Variants in CFI observed in about 807,000 individuals in gnomAD.
The protein encoded by CFI is C3B/C4B inactivator.
In CFI, 66 loss-of-function variants were observed where a neutral mutation model predicts 78.8. The observed-to-expected ratio is 0.84, with a 90% CI of 0.69 to 1.03. CFI has a LOEUF of 1.03. CFI is among the 50% of genes least tolerant of loss of function. CFI has a pLI of 0.00. For synonymous variants in CFI, 250 were observed against 232.6 expected, an observed-to-expected ratio of 1.07 and a Z score of -0.68; for missense variants, 706 against 704.5, an observed-to-expected ratio of 1.00 and a Z score of -0.02.
At chr4:109,785,241 C>G (rs1478522685) in intron 1 of CFI, among the ~76,000 whole-genome samples, 5 of 152,068 alleles carry the variant, frequency 3.3e-5, no homozygotes, top group African/African-American at 1.2e-4. Context: ...TTGGTGGTCT[C>G]TTCACACAGA....
intron 1 of CFI, among the ~76,000 whole-genome samples, chr4:109,787,801 T>A (rs1027511173): frequency 6.6e-6 from 1 of 151,968 alleles, no homozygotes; most frequent in African/African-American, 2.4e-5. Context: ...AAATCATCTG[T>A]CTAGTTTTCT....
chr4:109,781,891 A>T (rs1339461783), intron 1 of CFI, among the ~76,000 whole-genome samples: 4 of 152,196 alleles, frequency 2.6e-5, no homozygotes, highest in Non-Finnish European at 5.9e-5. Context: ...CAACATAAGC[A>T]GAATGAAAAA....
intron 7 of CFI, among the ~76,000 whole-genome samples, chr4:109,754,844 A>G (rs946437717): frequency 2.6e-5 from 4 of 152,190 alleles, no homozygotes; most frequent in African/African-American, 9.7e-5. Context: ...GCTGAGGTGT[A>G]CTAGGTATTA....
chr4:109,759,154 G>T (rs550190928), intron 6 of CFI, among the ~76,000 whole-genome samples: 1 of 151,050 alleles, frequency 6.6e-6, no homozygotes, highest in African/African-American at 2.4e-5. Context: ...AAAAAAAAGT[G>T]TTCATTTGTC....
intron 1 of CFI, among the ~76,000 whole-genome samples, chr4:109,798,097 C>T (rs147890908): frequency 3.3e-5 from 5 of 152,112 alleles, no homozygotes; most frequent in African/African-American, 1.2e-4. Context: ...GGATAAATAC[C>T]ACATAATACA....
At chr4:109,801,794 A>C in intron 1 of CFI, 121 bp downstream of exon 1, 1 of 665,446 alleles carries the variant, frequency 1.5e-6, no homozygotes. Context: ...ATAGAGTGGC[A>C]TTGTTGTAAC....
intron 7 of CFI, among the ~76,000 whole-genome samples, chr4:109,753,458 TATATATTTATATTA>T (rs1484717126): frequency 3.3e-5 from 3 of 91,608 alleles, no homozygotes; most frequent in African/African-American, 1.4e-4. Context: ...AATATTTATA[TATATATTTATATTA>T]ATAAATATTT....
chr4:109,760,471 T>C, intron 5 of CFI, 52 bp downstream of exon 5: 1 of 1,487,090 alleles, frequency 6.7e-7, no homozygotes, highest in Non-Finnish European at 9.4e-7. Context: ...GCTTTTCCTC[T>C]TTTAGTCAGA....
At chr4:109,751,779 T>C (rs867000462) in intron 8 of CFI, among the ~76,000 whole-genome samples, 7 of 152,188 alleles carry the variant, frequency 4.6e-5, no homozygotes, top group African/African-American at 1.2e-4. Flanking sequence ...TAAAGATTGT[T>C]ACTTAATTTT....
At position 109,742,342 on chromosome 4, in the gene CFI, G is replaced by T. The variant is rs1431414772; in HGVS notation, c.1534+149C>A. The T allele has an allele frequency of 1.0e-5, 7 of 678,176 alleles. No individual in the cohort carries two copies. In the East Asian group the frequency reaches 1.9e-4, roughly 19 times the overall value. The allele number at this position is 678,176 out of a possible 1,614,324, so 42.0% of individuals were successfully genotyped here. On this transcript the variant is annotated intron_variant, in intron 12 of 12. Coordinates refer to ENST00000394634, the MANE Select transcript of CFI (RefSeq NM_000204.5). The stretch of plus-strand genomic sequence containing the variant: ...AGGAAGAAACCTGAGCTACAGGGAA[G>T]GGACTGAAAGAGTTTGAGAGTGCTA...
chr4:109,733,329 A>C, the CFI span, among the ~76,000 whole-genome samples: 2 of 152,164 alleles, frequency 1.3e-5, no homozygotes. Flanking sequence ...ATTTTGGCAT[A>C]AACTGTTTGA....
chr4:109,764,438 T>C, intron 3 of CFI, 99 bp downstream of exon 3: 1 of 1,321,668 alleles, frequency 7.6e-7, no homozygotes, highest in Non-Finnish European at 1.1e-6. Flanking sequence ...TTTCTTAGGT[T>C]ACACATATGG....
chr4:109,794,349 C>T (rs2125869412), intron 1 of CFI: 1 of 152,244 alleles, frequency 6.6e-6, no homozygotes, highest in South Asian at 2.1e-4. Context: ...GCTTCTCATA[C>T]TGGATAATTA....
At chr4:109,743,191 C>T (rs764171768) in intron 11 of CFI, among the ~76,000 whole-genome samples, 4 of 152,172 alleles carry the variant, frequency 2.6e-5, no homozygotes, top group Admixed American at 6.5e-5. Flanking sequence ...AGCCATCGTG[C>T]CCAGCCAGGA....
chr4:109,787,982 C>T (rs935965309), intron 1 of CFI, among the ~76,000 whole-genome samples: 1 of 151,980 alleles, frequency 6.6e-6, no homozygotes, highest in Non-Finnish European at 1.5e-5. Context: ...TCCACTCAGG[C>T]CCCACTTCAG....
chr4:109,785,613 T>G (rs1341159511), intron 1 of CFI, among the ~76,000 whole-genome samples: 2 of 152,060 alleles, frequency 1.3e-5, no homozygotes, highest in South Asian at 2.1e-4. Context: ...CTCCTCTAGC[T>G]GCTGCTGCTT....
intron 7 of CFI, among the ~76,000 whole-genome samples, chr4:109,756,801 G>T: frequency 6.6e-6 from 1 of 151,384 alleles, no homozygotes; most frequent in East Asian, 2.0e-4. Flanking sequence ...GGAGGTTGCA[G>T]TGAGCCGAGA....
chr4:109,761,433 C>T, intron 4 of CFI, 84 bp downstream of exon 4: 3 of 1,302,444 alleles, frequency 2.3e-6, no homozygotes, highest in Non-Finnish European at 3.3e-6. Flanking sequence ...GGCAACGAGG[C>T]ATCAATCATT....
intron 1 of CFI, among the ~76,000 whole-genome samples, chr4:109,798,452 G>A (rs1213195686): frequency 1.3e-5 from 2 of 151,566 alleles, no homozygotes; most frequent in African/African-American, 2.4e-5. Flanking sequence ...AACTCATCAA[G>A]TTATGTACAC....
Sources: allele counts gnomAD v4.1 joint callset (sites outside exome capture counted in the v4.1 genomes callset), GRCh38; gene constraint gnomAD v4.1.1; transcripts MANE v1.5; gene names NCBI Gene and HGNC (gene_info 2026-07-23, HGNC 2026-07-21).